The following KCNN1 variants were observed in gnomAD, a reference collection of about 807,000 sequenced individuals.
KCNN1 encodes the protein small conductance calcium-activated potassium channel protein 1.
KCNN1 carries 20 observed loss-of-function variants against 44.7 expected under a neutral mutation model. The observed-to-expected ratio is 0.45, with a 90% CI of 0.32 to 0.65. The LOEUF (loss-of-function observed/expected upper bound fraction) is 0.65, where lower values mean the gene tolerates loss of function less well. Among genes scored for constraint, KCNN1 ranks in the 30% least tolerant of loss-of-function variants. The pLI, the probability that KCNN1 is intolerant of heterozygous loss-of-function variation, is 0.05. For synonymous variants in KCNN1, 324 were observed against 341.7 expected, an observed-to-expected ratio of 0.95 and a Z score of 0.57; for missense variants, 632 against 785.3, an observed-to-expected ratio of 0.80 and a Z score of 2.33.
rs527651865 is a variant in KCNN1 at position 17,974,067 on chromosome 19, G to A, written c.179G>A (p.Arg60Gln). The A allele has an allele frequency of 1.8e-5, 29 of 1,610,992 alleles. No homozygotes were observed. The highest frequency in any genetic ancestry group is 1.3e-4 in the African/African-American group (10 of 75,022). The change falls in exon 2 of 10, where the codon CGG becomes CAG. Residue 60 changes from arginine to glutamine, a missense_variant. This residue lies in a region of KCNN1 where 235 missense variants were observed against 224.0 expected (regional missense o/e 1.05). Coordinates refer to ENST00000684775, the MANE Select transcript of KCNN1 (RefSeq NM_001386974.1). The surrounding 1 kb of genome is among the most constrained non-coding windows in gnomAD (Gnocchi z 7.3). ...GCCCGGCCCTCACCCGGCAGCCCCCGGGGGCAGCCCCAGGACCAGGACGAT... is the reference window on the plus strand; with the variant it reads ...GCCCGGCCCTCACCCGGCAGCCCCCAGGGGCAGCCCCAGGACCAGGACGAT... ...EPARPSPGSP[R>Q]GQPQDQDDDE...
At chr19:17,959,719 AT>A (rs770201554) in intron 2 of KCNN1, among the ~76,000 whole-genome samples, 39 of 152,196 alleles carry the variant, frequency 2.6e-4, no homozygotes, top group Non-Finnish European at 4.0e-4. Context: ...AAATAAAAAA[AT>A]GATTCCCTCT....
chr19:17,991,318 G>A (rs2032787733), intron 7 of KCNN1, among the ~76,000 whole-genome samples: 1 of 152,134 alleles, frequency 6.6e-6, no homozygotes, highest in African/African-American at 2.4e-5. Flanking sequence ...CAGTGTGGTG[G>A]CATGTGTCTA....
chr19:17,964,646 C>G (rs1039523218), upstream of KCNN1, among the ~76,000 whole-genome samples: 5 of 152,212 alleles, frequency 3.3e-5, no homozygotes, highest in Non-Finnish European at 5.9e-5. This position sits in a 1 kb window ranked among gnomAD's most constrained non-coding sequence, Gnocchi z 4.3. Flanking sequence ...ACAGCCCCCA[C>G]CAGAAGTCCC....
chr19:17,996,537 T>C (rs1599383833), intron 9 of KCNN1, among the ~76,000 whole-genome samples: 1 of 151,960 alleles, frequency 6.6e-6, no homozygotes, highest in Non-Finnish European at 1.5e-5. Context: ...ACCCAGGAGG[T>C]GGAGGTTGCA....
upstream of KCNN1, chr19:17,967,003 A>G: frequency 4.7e-6 from 2 of 422,514 alleles, no homozygotes; most frequent in Non-Finnish European, 6.3e-6. Context: ...GGATCTTTAA[A>G]TATGGGCGGG....
At chr19:17,989,951 C>A in intron 7 of KCNN1, 108 bp downstream of exon 7, 1 of 1,539,198 alleles carries the variant, frequency 6.5e-7, no homozygotes, top group Non-Finnish European at 8.9e-7. Flanking sequence ...GACGGGTGGT[C>A]AGTTGGTTGG....
chr19:17,953,966 T>C (rs1230605947), intron 1 of KCNN1, among the ~76,000 whole-genome samples: 1 of 151,854 alleles, frequency 6.6e-6, no homozygotes, highest in Non-Finnish European at 1.5e-5. Flanking sequence ...GCGAAGGAAC[T>C]AGGGGCAATG....
At chr19:17,997,090 G>C (rs1243791563) in intron 9 of KCNN1, among the ~76,000 whole-genome samples, 1 of 152,216 alleles carries the variant, frequency 6.6e-6, no homozygotes, top group Non-Finnish European at 1.5e-5. Flanking sequence ...CCCATAGGGG[G>C]ACAGTGCCAG....
chr19:17,971,584 T>G (rs1166189483), intron 1 of KCNN1, among the ~76,000 whole-genome samples: 2 of 152,162 alleles, frequency 1.3e-5, no homozygotes, highest in African/African-American at 4.8e-5. Context: ...TGTCTCAACC[T>G]CCTGAGTAGG....
intron 3 of KCNN1, among the ~76,000 whole-genome samples, chr19:17,980,542 G>A (rs994244204): frequency 3.9e-5 from 6 of 151,934 alleles, no homozygotes; most frequent in African/African-American, 1.5e-4. Context: ...CTCATATTTC[G>A]TTCGAACTGT....
chr19:17,971,768 CA>C (rs1205617556), intron 1 of KCNN1, among the ~76,000 whole-genome samples: 1 of 151,980 alleles, frequency 6.6e-6, no homozygotes, highest in Non-Finnish European at 1.5e-5. Context: ...CCGGCCCAGG[CA>C]GATTCTTTCA....
chr19:17,995,420 C>T (rs185522855), intron 9 of KCNN1, among the ~76,000 whole-genome samples: 449 of 150,428 alleles, frequency 3.0e-3, no homozygotes, highest in Non-Finnish European at 4.9e-3. Context: ...GTGATCCTCC[C>T]GCCTTGGCCT....
At chr19:17,996,566 T>A (rs572096659) in intron 9 of KCNN1, among the ~76,000 whole-genome samples, 3 of 152,190 alleles carry the variant, frequency 2.0e-5, no homozygotes, top group South Asian at 2.1e-4. Flanking sequence ...AGATCATGCC[T>A]CTGCACTCCA....
In KCNN1 at chr19:17,999,775, A is replaced by C; in HGVS notation, c.*1369A>C. 1 of 342,480 alleles carries C rather than the reference A, an allele frequency of 2.9e-6. No individual in the cohort carries two copies. Among genetic ancestry groups the C allele is most frequent in the Non-Finnish European group, 5.9e-6 (1 of 169,894 alleles). 21.2% of individuals were successfully genotyped at this position (342,480 alleles called of 1,614,324 possible). On this transcript the variant is annotated 3_prime_UTR_variant, in exon 10 of 10. Coordinates refer to ENST00000684775, the MANE Select transcript of KCNN1 (RefSeq NM_001386974.1). ...ACGCTGTGCATAGCCGAGGAGCCCC[A>C]GGTCCTGGCAGCCTCTGATAAGGCC...
intron 1 of KCNN1, among the ~76,000 whole-genome samples, chr19:17,953,227 G>C (rs1216119045): frequency 6.6e-6 from 1 of 152,188 alleles, no homozygotes; most frequent in Admixed American, 6.5e-5. Context: ...GAAATCCCTG[G>C]GGGGAGGGGG....
chr19:17,996,398 G>T (rs1371766857), intron 9 of KCNN1, among the ~76,000 whole-genome samples: 1 of 152,092 alleles, frequency 6.6e-6, no homozygotes, highest in Non-Finnish European at 1.5e-5. Flanking sequence ...CTGAGGCCAG[G>T]AGTTCAAGAC....
At chr19:17,953,634 G>A (rs183390577) in intron 1 of KCNN1, among the ~76,000 whole-genome samples, 294 of 152,352 alleles carry the variant, frequency 1.9e-3, no homozygotes, top group Admixed American at 4.4e-3. Context: ...CAGCTTCAGA[G>A]CTGGGGAGCA....
intron 1 of KCNN1, among the ~76,000 whole-genome samples, chr19:17,951,587 C>A (rs1406524814): frequency 2.6e-5 from 4 of 152,180 alleles, no homozygotes; most frequent in Non-Finnish European, 5.9e-5. Flanking sequence ...GCCACCCAAG[C>A]CCGGGCCAGT....
At position 17,973,802 on chromosome 19, in the gene KCNN1, T is replaced by G. The variant is rs774224251; in HGVS notation, c.-81-6T>G. The G allele has an allele frequency of 6.6e-7, 1 of 1,506,904 alleles. No homozygotes were observed. The highest frequency in any genetic ancestry group is 1.3e-5 in the South Asian group (1 of 79,150). The allele number at this position is 1,506,904 out of a possible 1,614,324, so 93.3% of individuals were successfully genotyped here. The stretch of plus-strand genomic sequence containing the variant: ...GCTGTGACCATGTCCCTCTGTGCCC[T>G]TGCAGGTCAGTGCAGGAGCCCAGCC... On this transcript the variant is annotated splice_region_variant and splice_polypyrimidine_tract_variant and intron_variant, in intron 1 of 9. Transcript: ENST00000684775.
Sources: gnomAD v4.1 joint callset for allele counts (sites outside exome capture counted in the v4.1 genomes callset) on GRCh38, gnomAD v4.1.1 for gene constraint, gnomAD v4.1.1 regional missense constraint, Gnocchi (gnomAD v3.1) non-coding constraint, MANE v1.5 for transcripts, NCBI Gene and HGNC (gene_info 2026-07-23, HGNC 2026-07-21) for gene names.